The following DNAH8 variants were observed in gnomAD, a reference collection of about 807,000 sequenced individuals.
DNAH8 encodes axonemal beta dynein heavy chain 8.
A neutral mutation model predicts 562.1 loss-of-function variants in DNAH8; 382 were observed. That is an observed-to-expected ratio of 0.68 (90% confidence interval 0.63 to 0.74). The LOEUF (loss-of-function observed/expected upper bound fraction) is 0.74, where lower values mean the gene tolerates loss of function less well. Among genes scored for constraint, DNAH8 ranks in the 30% least tolerant of loss-of-function variants. DNAH8 has a pLI of 0.00. For missense variants in DNAH8, 5,203 were observed against 5,620.4 expected (o/e 0.93, Z 2.37); for synonymous variants, 1,881 against 1,919.4 (o/e 0.98, Z 0.52).
intron 10 of DNAH8, 88 bp downstream of exon 10, chr6:38,756,167 GC>G: frequency 1.2e-6 from 1 of 803,984 alleles, no homozygotes; most frequent in East Asian, 2.5e-5. Context: ...GAATTTGGAA[GC>G]CTAAGTGCCT....
chr6:39,015,460 G>C (rs1055246975), intron 91 of DNAH8, among the ~76,000 whole-genome samples: 3 of 152,166 alleles, frequency 2.0e-5, no homozygotes, highest in Non-Finnish European at 4.4e-5. Flanking sequence ...GATCATGGAG[G>C]TGGTTTTCCC....
intron 11 of DNAH8, among the ~76,000 whole-genome samples, chr6:38,765,127 C>T (rs146663997): frequency 3.0e-4 from 45 of 152,342 alleles, no homozygotes; most frequent in South Asian, 6.2e-4. Flanking sequence ...TAAGCCACTG[C>T]GCCTGGCCTC....
At chr6:39,008,733 C>G (rs983108436) in intron 88 of DNAH8, 81 bp from the exon 89 acceptor site, 2 of 517,708 alleles carry the variant, frequency 3.9e-6, no homozygotes, top group Admixed American at 3.9e-5. Context: ...TTAAGTGATT[C>G]TATCAGTTCA....
At chr6:38,938,625 A>G (rs566437267) in intron 78 of DNAH8, among the ~76,000 whole-genome samples, 173 bp from the exon 79 acceptor site, 1 of 152,294 alleles carries the variant, frequency 6.6e-6, no homozygotes, top group South Asian at 2.1e-4. Flanking sequence ...AGGATCAAGA[A>G]AAATAACTAA....
At chr6:38,745,689 C>T (rs1764869287) in intron 8 of DNAH8, among the ~76,000 whole-genome samples, 1 of 152,190 alleles carries the variant, frequency 6.6e-6, no homozygotes, top group Admixed American at 6.5e-5. Context: ...TTACATTTGA[C>T]TGTCATGTCT....
chr6:39,025,262 G>A (rs1029631413), intron 91 of DNAH8, among the ~76,000 whole-genome samples: 1 of 152,162 alleles, frequency 6.6e-6, no homozygotes, highest in African/African-American at 2.4e-5. Context: ...CTTTCCCTGA[G>A]TTGTCTTCCC....
Position 38,860,648 on chromosome 6 carries a change from G to GT in DNAH8, c.6131+25dup, listed in dbSNP as rs34840510. The GT allele has an allele frequency of 0.43, 629,723 of 1,474,124 alleles. 139,228 individuals carry two copies. Among genetic ancestry groups the GT allele is most frequent in the East Asian group, 0.68 (26,211 of 38,288 alleles). 91.3% of individuals were successfully genotyped at this position (1,474,124 alleles called of 1,614,324 possible). On this transcript the variant is annotated intron_variant, in intron 43 of 92. Coordinates refer to ENST00000327475, the MANE Select transcript of DNAH8 (RefSeq NM_001206927.2). ...CAGATAGGTAGGAAACCCAGTTTTC[G>GT]TTTTTTATTTTGTAATTTTAAAATG...
At position 38,883,321 on chromosome 6, in the gene DNAH8, G is replaced by A. The variant is rs1299772711; in HGVS notation, c.8002-1G>A. The A allele has an allele frequency of 1.9e-6, 3 of 1,604,532 alleles. No homozygotes were observed. Among genetic ancestry groups the A allele is most frequent in the Non-Finnish European group, 2.5e-6 (3 of 1,176,594 alleles). On this transcript the variant is annotated splice_acceptor_variant, in intron 54 of 92. Transcript: ENST00000327475. LOFTEE classifies it high-confidence loss of function. The stretch of plus-strand genomic sequence containing the variant: ...TCAACACTATTATCCTATGATTGCA[G>A]GCTGTTTTGCTCACAGGAGAGCAGG...
chr6:38,731,400 C>CATAATAAA lies in DNAH8; in HGVS notation c.610+1414_610+1415insATAATAAA, dbSNP rs541359640. ...TGTTTAATTTTGATAATATTGTCTT[C>CATAATAAA]TTTATGCCAATAAATACATTTATCC... On this transcript the variant is annotated intron_variant, in intron 4 of 92. Coordinates refer to ENST00000327475, the MANE Select transcript of DNAH8 (RefSeq NM_001206927.2). Among the ~76,000 whole-genome samples, 287 of 152,258 alleles carry CATAATAAA rather than the reference C, an allele frequency of 1.9e-3. 1 individual carries two copies. The highest frequency in any genetic ancestry group is 6.4e-3 in the African/African-American group (267 of 41,546).
chr6:39,012,904 G>A (rs112681373), intron 91 of DNAH8, among the ~76,000 whole-genome samples: 56 of 152,170 alleles, frequency 3.7e-4, no homozygotes, highest in African/African-American at 1.1e-3. Flanking sequence ...CATCAGTCTG[G>A]GGTTAGGACA....
chr6:38,971,079 A>G (rs1357764206), intron 82 of DNAH8, among the ~76,000 whole-genome samples: 1 of 152,220 alleles, frequency 6.6e-6, no homozygotes, highest in Non-Finnish European at 1.5e-5. Flanking sequence ...ATTTCATCTC[A>G]GAAAAATGAT....
chr6:38,833,295 A>G (rs1774004556), intron 31 of DNAH8, among the ~76,000 whole-genome samples: 1 of 151,560 alleles, frequency 6.6e-6, no homozygotes, highest in Admixed American at 6.6e-5. Context: ...GCCTCATTCT[A>G]TTGTTAAAGT....
rs112092633 is a variant in DNAH8 at position 38,932,118 on chromosome 6, G to A, written c.11457+125G>A. 3,238 of 615,222 alleles carry A rather than the reference G, an allele frequency of 5.3e-3. 43 individuals are homozygous for A. The highest frequency in any genetic ancestry group is 0.037 in the African/African-American group (1,881 of 51,286). The allele number at this position is 615,222 out of a possible 1,614,324, so 38.1% of individuals were successfully genotyped here. ...ACCATATTTATCCTTGTTAACATAA[G>A]TATTTCTTTTGCAGCCTTAATTCCT... is the stretch of plus-strand genomic sequence containing the variant. On this transcript the variant is annotated intron_variant, in intron 76 of 92. Coordinates refer to ENST00000327475, the MANE Select transcript of DNAH8 (RefSeq NM_001206927.2).
chr6:38,883,011 A>C lies in DNAH8; in HGVS notation c.7960A>C (p.Arg2654=). The C allele has an allele frequency of 6.2e-7, 1 of 1,603,440 alleles. No homozygotes were observed. Among genetic ancestry groups the C allele is most frequent in the African/African-American group, 1.3e-5 (1 of 74,590 alleles). Residue 2654 remains arginine (R), a synonymous_variant, in exon 54 of 93, where the codon AGA becomes CGA. Coordinates refer to ENST00000327475, the MANE Select transcript of DNAH8 (RefSeq NM_001206927.2). ...TTTGGTTCCAAATGTTGACAATATT[A>C]GAACAAATTTTTTGATAGACACCAT... ...SILVPNVDNI[R]TNFLIDTIAK... is the part of the protein sequence containing the mutation.
chr6:38,860,431 A>AT lies in DNAH8; in HGVS notation c.5959-19dup, dbSNP rs573509987. On this transcript the variant is annotated intron_variant, in intron 42 of 92. Transcript: ENST00000327475. The stretch of plus-strand genomic sequence containing the variant: ...TTATGCTATTGCAATTCAGTATATA[A>AT]TTTTTTTGTATTTTATGTTTTTAAG... 2.4e-4 allele frequency: 314 copies of AT among 1,326,500 alleles called. 3 individuals carry two copies. In the African/African-American group the frequency reaches 4.0e-3, roughly 17 times the overall value. The allele number at this position is 1,326,500 out of a possible 1,614,324, so 82.2% of individuals were successfully genotyped here.
chr6:38,758,914 T>A (rs1269767883), intron 10 of DNAH8, among the ~76,000 whole-genome samples: 1 of 152,208 alleles, frequency 6.6e-6, no homozygotes, highest in East Asian at 1.9e-4. Flanking sequence ...TTTGATGTGC[T>A]GCTGGATTCG....
At chr6:38,737,035 T>C (rs779676238) in intron 5 of DNAH8, 32 bp from the exon 6 acceptor site, 10 of 1,465,528 alleles carry the variant, frequency 6.8e-6, no homozygotes, top group Non-Finnish European at 9.0e-7. Flanking sequence ...GGGATTAGCA[T>C]GTAAAATAAC....
chr6:38,851,065 T>TTTTTA lies in DNAH8; in HGVS notation c.5364-492_5364-488dup, dbSNP rs763330110. 1.2e-4 allele frequency among the ~76,000 whole-genome samples: 18 copies of TTTTTA among 152,260 alleles called. 1 individual carries two copies. The South Asian group carries it at 3.7e-3, about 32-fold the overall frequency. The stretch of plus-strand genomic sequence containing the variant: ...AACAACTCACCAAACTCAAATATCA[T>TTTTTA]TTTTATTTTATTTTATTTTTACTGT... On this transcript the variant is annotated intron_variant, in intron 38 of 92. Transcript: ENST00000327475.
rs748723624 is a variant in DNAH8 at position 38,949,546 on chromosome 6, C to A, written c.12224C>A (p.Thr4075Asn). The A allele has an allele frequency of 6.2e-7, 1 of 1,606,472 alleles. No homozygotes were observed. The highest frequency in any genetic ancestry group is 1.1e-5 in the South Asian group (1 of 90,902). ...GATGGATATAATGATTCACTAGATA[C>A]CTGCCATAAACTTTTACTTATCAGG... ...IPDGYNDSLDTCHKLLLIRSW... is the reference protein window; with the variant it reads ...IPDGYNDSLDNCHKLLLIRSW... Residue 4075 changes from threonine to asparagine, a missense_variant, in exon 81 of 93, where the codon ACC becomes AAC. Around this residue, in one of 6 missense-constraint regions of DNAH8, gnomAD observed 1,399 missense variants for 1,518.4 expected, o/e 0.92. Transcript: ENST00000327475.
Sources: gnomAD v4.1 joint callset for allele counts (sites outside exome capture counted in the v4.1 genomes callset) on GRCh38, gnomAD v4.1.1 for gene constraint, gnomAD v4.1.1 regional missense constraint, MANE v1.5 for transcripts, NCBI Gene and HGNC (gene_info 2026-07-23, HGNC 2026-07-21) for gene names.